CDKAL1: variants seen among roughly 807,000 people sequenced by gnomAD.
The protein encoded by CDKAL1 is threonylcarbamoyladenosine tRNA methylthiotransferase.
CDKAL1 carries 32 observed loss-of-function variants against 68.2 expected under a neutral mutation model. The ratio of observed to expected loss-of-function variants is 0.47; its 90% CI spans 0.35 to 0.63. The LOEUF (loss-of-function observed/expected upper bound fraction) is 0.63. Ranked by LOEUF, CDKAL1 falls within the 30% of genes least tolerant of loss-of-function variation. CDKAL1 has a pLI of 0.00. For synonymous variants in CDKAL1, 234 were observed against 244.3 expected, an observed-to-expected ratio of 0.96 and a Z score of 0.39; for missense variants, 606 against 696.7, an observed-to-expected ratio of 0.87 and a Z score of 1.47.
At chr6:20,714,089 A>G (rs960363312) in intron 5 of CDKAL1, among the ~76,000 whole-genome samples, 11 of 150,026 alleles carry the variant, frequency 7.3e-5, no homozygotes, top group African/African-American at 2.2e-4. Flanking sequence ...AGCAGGATCT[A>G]TCGACCAGGA....
chr6:21,093,574 A>T (rs1773154679), intron 12 of CDKAL1, among the ~76,000 whole-genome samples: 3 of 152,000 alleles, frequency 2.0e-5, no homozygotes, highest in Admixed American at 2.0e-4. Context: ...CTTCAAGAGG[A>T]TGAAAGGATA....
chr6:20,968,108 T>C (rs544668848), intron 10 of CDKAL1, among the ~76,000 whole-genome samples: 1 of 151,836 alleles, frequency 6.6e-6, no homozygotes, highest in South Asian at 2.1e-4. Context: ...ACTTGAAGTT[T>C]CTAGAGCTTT....
intron 9 of CDKAL1, among the ~76,000 whole-genome samples, chr6:20,925,379 C>A (rs1194524279): frequency 1.3e-5 from 2 of 152,148 alleles, no homozygotes; most frequent in African/African-American, 4.8e-5. Flanking sequence ...CTTTATTGCA[C>A]TTTTTCCCTT....
chr6:21,071,534 A>G (rs1479093234), intron 12 of CDKAL1, among the ~76,000 whole-genome samples: 1 of 152,212 alleles, frequency 6.6e-6, no homozygotes, highest in East Asian at 1.9e-4. Context: ...TAGTTATCTT[A>G]AAGTCCATTC....
At chr6:20,786,036 C>T (rs1775656918) in intron 8 of CDKAL1, among the ~76,000 whole-genome samples, 6 of 152,126 alleles carry the variant, frequency 3.9e-5, no homozygotes, top group Admixed American at 3.3e-4. Context: ...GCCTGGCCAA[C>T]ATGCTGAAAC....
intron 9 of CDKAL1, among the ~76,000 whole-genome samples, chr6:20,848,517 G>C (rs1319712350): frequency 6.6e-6 from 1 of 152,080 alleles, no homozygotes. Context: ...ATATCCAGGT[G>C]GGTTGGACTA....
chr6:21,072,580 A>AAAAAAAAAAC (rs1771843845), intron 12 of CDKAL1, among the ~76,000 whole-genome samples: 1 of 145,520 alleles, frequency 6.9e-6, no homozygotes, highest in South Asian at 2.1e-4. Flanking sequence ...AAAAAAAAAA[A>AAAAAAAAAAC]GCCTGTTTTT....
intron 5 of CDKAL1, among the ~76,000 whole-genome samples, chr6:20,720,229 A>G (rs767291688): frequency 3.9e-5 from 6 of 152,156 alleles, no homozygotes; most frequent in African/African-American, 9.7e-5. Context: ...GCTAATGGAT[A>G]CAGGCCCATA....
chr6:20,544,473 G>A (rs1561913322), intron 2 of CDKAL1, among the ~76,000 whole-genome samples: 2 of 151,482 alleles, frequency 1.3e-5, no homozygotes, highest in Non-Finnish European at 2.9e-5. Flanking sequence ...GCGCGCGCCT[G>A]TAGTCCCAGC....
chr6:21,116,971 G>T (rs1278059088), intron 13 of CDKAL1, among the ~76,000 whole-genome samples: 1 of 152,090 alleles, frequency 6.6e-6, no homozygotes, highest in Admixed American at 6.6e-5. Flanking sequence ...CCTCCATCCC[G>T]GGGCTGGTCA....
At chr6:21,229,751 G>C (rs1180069000) in intron 15 of CDKAL1, among the ~76,000 whole-genome samples, 6 of 152,132 alleles carry the variant, frequency 3.9e-5, no homozygotes, top group Admixed American at 2.0e-4. Flanking sequence ...TTCAACAGGG[G>C]AGTCCCATGT....
At chr6:20,626,861 G>T (rs1042476764) in intron 4 of CDKAL1, among the ~76,000 whole-genome samples, 1 of 152,154 alleles carries the variant, frequency 6.6e-6, no homozygotes, top group African/African-American at 2.4e-5. Context: ...CCTGGAAGCT[G>T]TGTAGTACAA....
At chr6:20,609,118 A>T (rs539319045) in intron 4 of CDKAL1, among the ~76,000 whole-genome samples, 124 of 152,218 alleles carry the variant, frequency 8.1e-4, no homozygotes, top group African/African-American at 2.7e-3. Flanking sequence ...CCTTGGAGGG[A>T]CATTGGGTTT....
At chr6:21,001,091 G>A (rs1414989887) in intron 11 of CDKAL1, among the ~76,000 whole-genome samples, 1 of 152,222 alleles carries the variant, frequency 6.6e-6, no homozygotes, top group African/African-American at 2.4e-5. Context: ...GTCACACAGA[G>A]CCTTCTCAAG....
At chr6:20,827,767 C>T (rs1189063355) in intron 8 of CDKAL1, among the ~76,000 whole-genome samples, 2 of 151,966 alleles carry the variant, frequency 1.3e-5, no homozygotes, top group Non-Finnish European at 2.9e-5. Flanking sequence ...TCCTACATGT[C>T]TTATATCTAG....
intron 15 of CDKAL1, among the ~76,000 whole-genome samples, chr6:21,227,557 C>T (rs1022338581): frequency 6.6e-6 from 1 of 152,244 alleles, no homozygotes; most frequent in Non-Finnish European, 1.5e-5. Flanking sequence ...TCTCCTGCTC[C>T]GCGGTCACGC....
chr6:21,132,643 C>T (rs1775387126), intron 13 of CDKAL1, among the ~76,000 whole-genome samples: 1 of 152,080 alleles, frequency 6.6e-6, no homozygotes, highest in Non-Finnish European at 1.5e-5. Flanking sequence ...TTAGATAACA[C>T]ATTTAAGTTT....
chr6:20,855,505 C>T (rs995421859), intron 9 of CDKAL1, among the ~76,000 whole-genome samples: 1 of 145,558 alleles, frequency 6.9e-6, no homozygotes, highest in African/African-American at 2.5e-5. Flanking sequence ...AAGCATAACA[C>T]CCTGAAGGGA....
Position 20,603,768 on chromosome 6 carries a change from A to ATTTTTTTTT in CDKAL1, c.287-45507_287-45499dup, listed in dbSNP as rs745786047. Among the ~76,000 whole-genome samples, 80 of 85,214 alleles carry ATTTTTTTTT rather than the reference A, an allele frequency of 9.4e-4. 7 individuals carry two copies. Among genetic ancestry groups the ATTTTTTTTT allele is most frequent in the East Asian group, 2.6e-3 (6 of 2,316 alleles). The allele number at this position is 85,214 out of a possible 152,430, so 55.9% of individuals were successfully genotyped here. ...ACATTGATTAATGGGCAGTTGCTAA[A>ATTTTTTTTT]TTTTTTTTTTTTTTTTTTTTTTTTT... On this transcript the variant is annotated intron_variant, in intron 4 of 15. Transcript: ENST00000274695.
Sources: gnomAD v4.1 joint callset for allele counts (sites outside exome capture counted in the v4.1 genomes callset) on GRCh38, gnomAD v4.1.1 for gene constraint, MANE v1.5 for transcripts, NCBI Gene and HGNC (gene_info 2026-07-23, HGNC 2026-07-21) for gene names.